NAA15: variants seen among roughly 807,000 people sequenced by gnomAD.
The protein encoded by NAA15 is N-alpha-acetyltransferase 15, NatA auxiliary subunit, also known as N-terminal acetyltransferase.
A neutral mutation model predicts 114.0 loss-of-function variants in NAA15; 34 were observed. The observed-to-expected ratio is 0.30, with a 90% CI of 0.23 to 0.40. The LOEUF (loss-of-function observed/expected upper bound fraction) is 0.40, where lower values mean the gene tolerates loss of function less well. Among genes scored for constraint, NAA15 ranks in the 10% least tolerant of loss-of-function variants. The probability of loss-of-function intolerance (pLI) is 1.00; values close to 1 mark genes in which losing one functional copy is unlikely to be tolerated. For missense variants in NAA15, 658 were observed against 1,004.5 expected (o/e 0.66, Z 4.66); for synonymous variants, 340 against 338.0 (o/e 1.01, Z -0.06).
chr4:139,307,769 A>C (rs560981259), intron 1 of NAA15, among the ~76,000 whole-genome samples: 138 of 152,250 alleles, frequency 9.1e-4, no homozygotes, highest in African/African-American at 3.1e-3. Flanking sequence ...ACAGACTGAG[A>C]TTAAGGTCAA....
chr4:139,303,549 C>A (rs966925842), intron 1 of NAA15, among the ~76,000 whole-genome samples: 2 of 152,138 alleles, frequency 1.3e-5, no homozygotes. Flanking sequence ...GTAATCCCAG[C>A]ACTTTGGGAG....
At chr4:139,344,466 C>G in intron 6 of NAA15, 127 bp downstream of exon 6, 1 of 707,658 alleles carries the variant, frequency 1.4e-6, no homozygotes. Context: ...ATTTCTTACT[C>G]GTGTACTTTT....
intron 1 of NAA15, among the ~76,000 whole-genome samples, 199 bp from the exon 2 acceptor site, chr4:139,333,975 T>C (rs770845456): frequency 6.6e-6 from 1 of 152,224 alleles, no homozygotes; most frequent in Non-Finnish European, 1.5e-5. Context: ...TGTTGGACTT[T>C]ACTAATCTAT....
Position 139,370,299 on chromosome 4 carries a change from T to A in NAA15, c.1842T>A (p.Asn614Lys). The change falls in exon 15 of 20, where the codon AAT becomes AAA. Residue 614 changes from asparagine (N) to lysine (K), a missense_variant. Asn to Lys is a moderately conservative substitution (Grantham distance 94). This residue lies in a region of NAA15 where 275 missense variants were observed against 371.1 expected (regional missense o/e 0.74). Transcript: ENST00000296543. ...CCCAGATAGAAGAAGAGAAAAAAAA[T>A]GCAGAAAAAGAAAAGCAGCAGAGAA... ...KKAQIEEEKK[N>K]AEKEKQQRNQ... 1.3e-6 allele frequency: 2 copies of A among 1,591,882 alleles called. No individual in the cohort carries two copies. The highest frequency in any genetic ancestry group is 1.7e-6 in the Non-Finnish European group (2 of 1,167,602).
chr4:139,329,802 C>T (rs1401501706), intron 1 of NAA15, among the ~76,000 whole-genome samples: 3 of 152,182 alleles, frequency 2.0e-5, no homozygotes, highest in African/African-American at 7.2e-5. Flanking sequence ...ATCTCTTTCT[C>T]AGGGTGGTTT....
At position 139,342,927 on chromosome 4, in the gene NAA15, A is replaced by G; in HGVS notation, c.504A>G (p.Ala168=). Reference sequence around the variant, plus strand: ...TATTAGAAGATTATGAAATGGCAGCAAAGATTTTAGAAGAATTTAGGAAAA... The same window carrying G: ...TATTAGAAGATTATGAAATGGCAGCGAAGATTTTAGAAGAATTTAGGAAAA... ...YHLLEDYEMA[A]KILEEFRKTQ... The change falls in exon 5 of 20, where the codon GCA becomes GCG. Residue 168 remains alanine, a synonymous_variant. Coordinates refer to ENST00000296543, the MANE Select transcript of NAA15 (RefSeq NM_057175.5). The G allele has an allele frequency of 6.2e-7, 1 of 1,613,552 alleles. No homozygotes were observed. The highest frequency in any genetic ancestry group is 8.5e-7 in the Non-Finnish European group (1 of 1,179,508).
chr4:139,304,795 A>AC (rs1579076469), intron 1 of NAA15, among the ~76,000 whole-genome samples: 1 of 151,740 alleles, frequency 6.6e-6, no homozygotes, highest in African/African-American at 2.4e-5. Context: ...AGTCCAAAGT[A>AC]CCCCCCTCTG....
At chr4:139,316,054 C>T (rs574939314) in intron 1 of NAA15, among the ~76,000 whole-genome samples, 1 of 151,264 alleles carries the variant, frequency 6.6e-6, no homozygotes, top group South Asian at 2.1e-4. Flanking sequence ...ACATACTATT[C>T]TTCCTCGTCA....
At chr4:139,358,787 A>C (rs933057806) in intron 11 of NAA15, among the ~76,000 whole-genome samples, 5 of 152,114 alleles carry the variant, frequency 3.3e-5, no homozygotes, top group African/African-American at 1.2e-4. Context: ...AGATTTGGCT[A>C]TGCCTTTTAT....
intron 1 of NAA15, among the ~76,000 whole-genome samples, chr4:139,328,092 T>TG (rs1376848772): frequency 6.6e-6 from 1 of 151,852 alleles, no homozygotes; most frequent in Non-Finnish European, 1.5e-5. Flanking sequence ...TGGTTTCTGT[T>TG]GCTATGTCTG....
At chr4:139,334,974 C>G (rs1386192658) in intron 2 of NAA15, among the ~76,000 whole-genome samples, 4 of 151,844 alleles carry the variant, frequency 2.6e-5, no homozygotes, top group Non-Finnish European at 4.4e-5. Context: ...TTTATACTTT[C>G]TTTTACTGTA....
chr4:139,365,510 G>A (rs932530458), intron 14 of NAA15, among the ~76,000 whole-genome samples: 1 of 151,930 alleles, frequency 6.6e-6, no homozygotes, highest in Non-Finnish European at 1.5e-5. Flanking sequence ...ACTCTAATTC[G>A]TGAGGTTGTT....
chr4:139,358,191 GTTT>G (rs200019923), intron 11 of NAA15, among the ~76,000 whole-genome samples: 16 of 143,574 alleles, frequency 1.1e-4, no homozygotes, highest in Admixed American at 2.8e-4. Flanking sequence ...TTTTGTTTTT[GTTT>G]TTTTTTTTTT....
At chr4:139,371,696 C>T (rs963773733) in intron 15 of NAA15, among the ~76,000 whole-genome samples, 3 of 151,996 alleles carry the variant, frequency 2.0e-5, no homozygotes, top group African/African-American at 4.8e-5. Flanking sequence ...AGAAAATGGA[C>T]CTTTGAGGCC....
intron 1 of NAA15, among the ~76,000 whole-genome samples, chr4:139,322,089 G>A (rs151241974): frequency 1.8e-4 from 27 of 152,178 alleles, no homozygotes; most frequent in African/African-American, 6.3e-4. Context: ...ACTTTTTGAG[G>A]CTTGTTTTTA....
chr4:139,366,795 G>C (rs1748298114), intron 14 of NAA15, among the ~76,000 whole-genome samples: 1 of 152,014 alleles, frequency 6.6e-6, no homozygotes, highest in Admixed American at 6.6e-5. Context: ...CCTTTGTAGA[G>C]GTGGGGTCTT....
chr4:139,306,710 G>A (rs1305909844), intron 1 of NAA15, among the ~76,000 whole-genome samples: 2 of 151,314 alleles, frequency 1.3e-5, no homozygotes, highest in African/African-American at 4.9e-5. Context: ...GATGCTATTT[G>A]TTTATCTAAA....
intron 11 of NAA15, among the ~76,000 whole-genome samples, chr4:139,358,235 C>G (rs1281634824): frequency 6.6e-6 from 1 of 151,202 alleles, no homozygotes; most frequent in Admixed American, 6.6e-5. Context: ...CTGCATCACC[C>G]AGGCTGGGGT....
chr4:139,375,364 A>G (rs1422119962), intron 15 of NAA15, among the ~76,000 whole-genome samples: 2 of 152,178 alleles, frequency 1.3e-5, no homozygotes, highest in African/African-American at 2.4e-5. Context: ...TGGGCTTTTA[A>G]TGGGTTATTT....
Sources: gnomAD v4.1 joint callset for allele counts (sites outside exome capture counted in the v4.1 genomes callset) on GRCh38, gnomAD v4.1.1 for gene constraint, gnomAD v4.1.1 regional missense constraint, MANE v1.5 for transcripts, NCBI Gene and HGNC (gene_info 2026-07-23, HGNC 2026-07-21) for gene names.